SLC5A4: variants seen among roughly 807,000 people sequenced by gnomAD.
The protein encoded by SLC5A4 is solute carrier family 5 member 4.
Under a neutral mutation model 70.3 loss-of-function variants are expected in SLC5A4, and 55 were observed. The observed-to-expected ratio is 0.78, with a 90% confidence interval of 0.63 to 0.98. The LOEUF (loss-of-function observed/expected upper bound fraction) is 0.98, where lower values mean the gene tolerates loss of function less well. Ranked by LOEUF, SLC5A4 falls within the 50% of genes least tolerant of loss-of-function variation. The pLI is 0.00. For synonymous variants in SLC5A4, 268 were observed against 305.7 expected, an observed-to-expected ratio of 0.88 and a Z score of 1.29; for missense variants, 735 against 839.2, an observed-to-expected ratio of 0.88 and a Z score of 1.53.
At chr22:32,310,050 G>A in the SLC5A4 span, among the ~76,000 whole-genome samples, 19 of 150,054 alleles carry the variant, frequency 1.3e-4, no homozygotes, top group Middle Eastern at 6.9e-3. Context: ...GGGTGGCAGC[G>A]GGGTGGGGAG....
chr22:32,324,641 G>A, the SLC5A4 span, among the ~76,000 whole-genome samples: 5 of 152,328 alleles, frequency 3.3e-5, no homozygotes, highest in South Asian at 6.2e-4. Context: ...ACACAGCACC[G>A]TAGAGTCCCA....
chr22:32,248,810 G>A lies in SLC5A4; in HGVS notation c.313-8C>T, dbSNP rs1353226461. The A allele has an allele frequency of 6.2e-7, 1 of 1,601,284 alleles. No individual in the cohort carries two copies. ...CAGCAACATTACTGAGGACTACAAGGAACCAAAATAAGAGACAGTGAGACA... is the reference window on the plus strand; with the variant it reads ...CAGCAACATTACTGAGGACTACAAGAAACCAAAATAAGAGACAGTGAGACA... On this transcript the variant is annotated splice_region_variant and splice_polypyrimidine_tract_variant and intron_variant, in intron 3 of 14. Coordinates refer to ENST00000266086, the MANE Select transcript of SLC5A4 (RefSeq NM_014227.3).
chr22:32,354,693 T>A, the SLC5A4 span, among the ~76,000 whole-genome samples: 1 of 148,868 alleles, frequency 6.7e-6, no homozygotes, highest in Non-Finnish European at 1.5e-5. Context: ...CCCAACCCAC[T>A]CCCCTCTGTG....
chr22:32,315,647 AAAAC>A, the SLC5A4 span, among the ~76,000 whole-genome samples: 3 of 152,240 alleles, frequency 2.0e-5, no homozygotes, highest in South Asian at 4.1e-4. Flanking sequence ...CACAGAAAAT[AAAAC>A]AAAGACAACA....
the SLC5A4 span, among the ~76,000 whole-genome samples, chr22:32,285,921 A>G: frequency 6.6e-6 from 1 of 152,000 alleles, no homozygotes; most frequent in Non-Finnish European, 1.5e-5. Context: ...TATTTTTAGT[A>G]GAGACGGGGT....
chr22:32,317,374 A>G, the SLC5A4 span, among the ~76,000 whole-genome samples: 1 of 152,242 alleles, frequency 6.6e-6, no homozygotes, highest in Non-Finnish European at 1.5e-5. Context: ...AAAGACATAC[A>G]ATAGCAATAA....
the SLC5A4 span, among the ~76,000 whole-genome samples, chr22:32,291,692 C>T: frequency 6.6e-6 from 1 of 152,028 alleles, no homozygotes; most frequent in Non-Finnish European, 1.5e-5. Context: ...ATCTGAATCA[C>T]CTAAGTTTTA....
At chr22:32,262,761 T>A in the SLC5A4 span, among the ~76,000 whole-genome samples, 21 of 151,302 alleles carry the variant, frequency 1.4e-4, no homozygotes, top group African/African-American at 4.7e-4. Flanking sequence ...CATCACTACA[T>A]TTTTATTTTT....
the SLC5A4 span, among the ~76,000 whole-genome samples, chr22:32,307,536 AG>A: frequency 6.6e-6 from 1 of 152,182 alleles, no homozygotes; most frequent in South Asian, 2.1e-4. Context: ...TCTGTTGAAT[AG>A]GTGAGGGAAG....
chr22:32,330,963 TTGGGGGC>T, the SLC5A4 span, among the ~76,000 whole-genome samples: 1 of 3,852 alleles, frequency 2.6e-4, no homozygotes, highest in Non-Finnish European at 5.6e-4. Flanking sequence ...TGTGTGTGTG[TTGGGGGC>T]ACTGGTGTGT....
chr22:32,218,786 T>A, intron 14 of SLC5A4, 61 bp from the exon 15 acceptor site: 1 of 1,313,140 alleles, frequency 7.6e-7, no homozygotes, highest in Non-Finnish European at 1.1e-6. Flanking sequence ...CTAGAAATCC[T>A]TGTCAGTGTA....
intron 13 of SLC5A4, among the ~76,000 whole-genome samples, chr22:32,223,982 C>G (rs1198193334): frequency 1.3e-5 from 2 of 151,856 alleles, no homozygotes; most frequent in Admixed American, 1.3e-4. Context: ...GTGCAGTGGC[C>G]CGATCTTGGC....
intron 3 of SLC5A4, among the ~76,000 whole-genome samples, chr22:32,250,058 G>T (rs1224671786): frequency 6.6e-6 from 1 of 152,192 alleles, no homozygotes; most frequent in Admixed American, 6.5e-5. Context: ...ACTCAGGGAG[G>T]AGAGATGAAA....
At chr22:32,265,401 T>C in the SLC5A4 span, among the ~76,000 whole-genome samples, 1 of 151,502 alleles carries the variant, frequency 6.6e-6, no homozygotes, top group Non-Finnish European at 1.5e-5. Context: ...AAAAAAAAAT[T>C]TGCTTCCTTA....
At chr22:32,246,559 A>G (rs1926841739) in intron 5 of SLC5A4, among the ~76,000 whole-genome samples, 1 of 151,950 alleles carries the variant, frequency 6.6e-6, no homozygotes, top group African/African-American at 2.4e-5. Context: ...ATGGAGTCTC[A>G]CTCTGTCTCC....
the SLC5A4 span, among the ~76,000 whole-genome samples, chr22:32,260,737 C>T: frequency 4.6e-5 from 7 of 152,078 alleles, no homozygotes; most frequent in African/African-American, 1.4e-4. Context: ...TATTAAAAAT[C>T]GGAAAACGGA....
the SLC5A4 span, among the ~76,000 whole-genome samples, chr22:32,313,090 C>T: frequency 6.6e-6 from 1 of 152,060 alleles, no homozygotes; most frequent in Admixed American, 6.5e-5. Context: ...AATAGAAGAA[C>T]CAAAATTACA....
At chr22:32,233,094 A>G (rs1925858384) in intron 8 of SLC5A4, 60 bp from the exon 9 acceptor site, 6 of 1,566,596 alleles carry the variant, frequency 3.8e-6, no homozygotes, top group Non-Finnish European at 5.2e-6. Context: ...AAAGGCAGTC[A>G]GCGTCCCTTT....
At chr22:32,272,619 G>A in the SLC5A4 span, 10 of 600,220 alleles carry the variant, frequency 1.7e-5, no homozygotes, top group Admixed American at 2.9e-5. Context: ...GTCTGACCAC[G>A]ACTGCAGCCT....
Sources: gnomAD v4.1 joint callset for allele counts (sites outside exome capture counted in the v4.1 genomes callset) on GRCh38, gnomAD v4.1.1 for gene constraint, MANE v1.5 for transcripts, NCBI Gene and HGNC (gene_info 2026-07-23, HGNC 2026-07-21) for gene names.